EFL1: variants seen among roughly 807,000 people sequenced by gnomAD.
EFL1 encodes the protein elongation factor-like GTPase 1.
A neutral mutation model predicts 126.7 loss-of-function variants in EFL1; 76 were observed. The ratio of observed to expected loss-of-function variants is 0.60; its 90% CI spans 0.50 to 0.73. The LOEUF is 0.73. Ranked by LOEUF, EFL1 falls within the 30% of genes least tolerant of loss-of-function variation. EFL1 has a pLI of 0.00. For synonymous variants in EFL1, 410 were observed against 448.4 expected, an observed-to-expected ratio of 0.91 and a Z score of 1.08; for missense variants, 1,128 against 1,343.2, an observed-to-expected ratio of 0.84 and a Z score of 2.50.
At chr15:82,144,013 T>C (rs1595938790) in intron 18 of EFL1, among the ~76,000 whole-genome samples, 1 of 152,090 alleles carries the variant, frequency 6.6e-6, no homozygotes, top group African/African-American at 2.4e-5. Flanking sequence ...GAAATGCAAA[T>C]TGTGTTAAAC....
intron 19 of EFL1, among the ~76,000 whole-genome samples, chr15:82,137,123 A>T (rs1050405911): frequency 1.3e-5 from 2 of 152,156 alleles, no homozygotes; most frequent in African/African-American, 4.8e-5. Context: ...ATTAAAATCA[A>T]ATTTGCCCTG....
chr15:82,180,124 G>C (rs2074234398), intron 15 of EFL1, among the ~76,000 whole-genome samples: 1 of 152,004 alleles, frequency 6.6e-6, no homozygotes, highest in Non-Finnish European at 1.5e-5. Flanking sequence ...GAAGACCTCA[G>C]GTGTTGCTTC....
chr15:82,219,621 A>G lies in EFL1; in HGVS notation c.1611+31T>C, dbSNP rs1198334882. On this transcript the variant is annotated intron_variant, in intron 14 of 19. Transcript: ENST00000268206. ...AAAAGATATCAGACCCTCGAGAAAC[A>G]ATATATAAATATTTTACTTTCAATT... The G allele has an allele frequency of 2.5e-6, 4 of 1,580,574 alleles. No individual in the cohort carries two copies. In the South Asian group the frequency reaches 4.7e-5, roughly 18 times the overall value.
intron 18 of EFL1, among the ~76,000 whole-genome samples, chr15:82,147,477 A>C (rs2073859864): frequency 6.6e-6 from 1 of 151,502 alleles, no homozygotes; most frequent in South Asian, 2.1e-4. Flanking sequence ...TAAAAATAAC[A>C]ACAACAAAAA....
At chr15:82,251,312 C>A (rs2075019358) in intron 4 of EFL1, among the ~76,000 whole-genome samples, 2 of 152,140 alleles carry the variant, frequency 1.3e-5, no homozygotes, top group South Asian at 4.1e-4. Context: ...CATTCAGTTC[C>A]CAGGGTCCTA....
rs1567042007 is a variant in EFL1, at chr15:82,152,011, T to C, written c.2443A>G (p.Arg815Gly). The C allele has an allele frequency of 6.2e-7, 1 of 1,614,188 alleles. No individual in the cohort carries two copies. Among genetic ancestry groups the C allele is most frequent in the African/African-American group, 1.3e-5 (1 of 75,072 alleles). The change falls in exon 18 of 20, where the codon AGA (arginine) becomes GGA (glycine). Residue 815 changes from arginine to glycine, a missense_variant. This residue lies in a region of EFL1 where 561 missense variants were observed against 641.7 expected (regional missense o/e 0.87). Transcript: ENST00000268206. ...ATTTGGTCAACAATGTTCCTCCATC[T>C]TCTCCCTGTTAGGTGTTGCTCCAGT... ...GKLEQHLTGR[R>G]WRNIVDQIWS...
At chr15:82,156,008 T>C (rs1206621047) in intron 17 of EFL1, among the ~76,000 whole-genome samples, 1 of 152,200 alleles carries the variant, frequency 6.6e-6, no homozygotes, top group Admixed American at 6.5e-5. Flanking sequence ...AGGTCTTCTC[T>C]AACCCTGCGG....
Position 82,219,752 on chromosome 15 carries a change from G to A in EFL1, c.1511C>T (p.Ser504Phe), listed in dbSNP as rs376776701. Reference protein sequence around the residue: ...PVLQEENNQESFIAFARVFSG... With the variant: ...PVLQEENNQEFFIAFARVFSG... ...GAACACCCGAGCAAATGCAATAAAA[G>A]ACTCTTGGTTGTTTTCTTCCTGGAG... Residue 504 changes from serine to phenylalanine, a missense_variant, in exon 14 of 20, where the codon TCT becomes TTT. Ser to Phe is a radical substitution (Grantham distance 155). Coordinates refer to ENST00000268206, the MANE Select transcript of EFL1 (RefSeq NM_024580.6). The A allele has an allele frequency of 8.6e-5, 139 of 1,613,994 alleles. No individual in the cohort carries two copies. The African/African-American group carries it at 1.5e-3, about 18-fold the overall frequency.
chr15:82,259,215 T>C, intron 2 of EFL1, 60 bp from the exon 3 acceptor site: 2 of 1,411,762 alleles, frequency 1.4e-6, no homozygotes, highest in South Asian at 1.2e-5. Context: ...TCATGGATCA[T>C]ACCTATAGAT....
At chr15:82,175,119 A>T (rs1002928578) in intron 15 of EFL1, among the ~76,000 whole-genome samples, 3 of 152,174 alleles carry the variant, frequency 2.0e-5, no homozygotes, top group African/African-American at 7.2e-5. Context: ...TTCTTATTGT[A>T]AGTGCTCCTG....
chr15:82,169,095 G>T (rs948532659), intron 15 of EFL1, among the ~76,000 whole-genome samples: 1 of 152,042 alleles, frequency 6.6e-6, no homozygotes, highest in Non-Finnish European at 1.5e-5. Flanking sequence ...AATGGAGCTT[G>T]GTTCTCATCA....
At chr15:82,186,501 G>A (rs1186988134) in intron 15 of EFL1, among the ~76,000 whole-genome samples, 1 of 152,166 alleles carries the variant, frequency 6.6e-6, no homozygotes, top group Non-Finnish European at 1.5e-5. Context: ...AATACCAGGT[G>A]TTCCAGTTTC....
chr15:82,195,179 T>C (rs1224216955), intron 15 of EFL1, among the ~76,000 whole-genome samples: 1 of 152,182 alleles, frequency 6.6e-6, no homozygotes, highest in Admixed American at 6.5e-5. Flanking sequence ...ATTTTTCAAA[T>C]GTATTATCCA....
At position 82,230,965 on chromosome 15, in the gene EFL1, C is replaced by T; in HGVS notation, c.738G>A (p.Glu246=). 1 of 1,611,086 alleles carries T rather than the reference C, an allele frequency of 6.2e-7. No individual in the cohort carries two copies. Among genetic ancestry groups the T allele is most frequent in the Non-Finnish European group, 8.5e-7 (1 of 1,178,946 alleles). ...SAIDGWGFGI[E]HFARIYSQKI... is the part of the protein sequence containing the mutation. ...TTTGACTGTAGATTCTGGCGAAGTG[C>T]TCAATTCTGAAAGAAGACCAAATGT... Residue 246 remains glutamate, a synonymous_variant, in exon 8 of 20, where the codon GAG becomes GAA. Transcript: ENST00000268206.
At chr15:82,220,464 C>A (rs1431074371) in intron 12 of EFL1, among the ~76,000 whole-genome samples, 1 of 152,188 alleles carries the variant, frequency 6.6e-6, no homozygotes, top group Admixed American at 6.5e-5. Flanking sequence ...AAGTCCCCAT[C>A]TGGAGCAATG....
chr15:82,210,892 G>A (rs1365354713), intron 15 of EFL1, among the ~76,000 whole-genome samples: 1 of 151,520 alleles, frequency 6.6e-6, no homozygotes, highest in Non-Finnish European at 1.5e-5. Context: ...GACACCACGT[G>A]GAAGAGACAA....
At chr15:82,161,835 T>A (rs914691653) in intron 16 of EFL1, among the ~76,000 whole-genome samples, 4 of 152,212 alleles carry the variant, frequency 2.6e-5, no homozygotes, top group African/African-American at 9.7e-5. Context: ...ATACACTAGG[T>A]ACTAGAATCC....
chr15:82,213,617 T>G (rs961010834), intron 15 of EFL1, among the ~76,000 whole-genome samples: 3 of 152,228 alleles, frequency 2.0e-5, no homozygotes, highest in African/African-American at 7.2e-5. Flanking sequence ...TTCTTTCCCT[T>G]GAGCATCATG....
At chr15:82,194,647 G>A (rs763881155) in intron 15 of EFL1, among the ~76,000 whole-genome samples, 5 of 152,156 alleles carry the variant, frequency 3.3e-5, no homozygotes, top group African/African-American at 1.2e-4. Flanking sequence ...TCCGAGCTAC[G>A]ATTTTAAACG....
Sources: gnomAD v4.1 joint callset for allele counts (sites outside exome capture counted in the v4.1 genomes callset) on GRCh38, gnomAD v4.1.1 for gene constraint, gnomAD v4.1.1 regional missense constraint, MANE v1.5 for transcripts, NCBI Gene and HGNC (gene_info 2026-07-23, HGNC 2026-07-21) for gene names.